The following DDC variants were observed in gnomAD, a reference collection of about 807,000 sequenced individuals.
The protein encoded by DDC is aromatic-L-amino-acid decarboxylase.
In DDC, 43 loss-of-function variants were observed where a neutral mutation model predicts 60.0. That is an observed-to-expected ratio of 0.72 (90% confidence interval 0.56 to 0.92). The LOEUF (loss-of-function observed/expected upper bound fraction) is 0.92, where lower values mean the gene tolerates loss of function less well. Among genes scored for constraint, DDC ranks in the 40% least tolerant of loss-of-function variants. DDC has a pLI of 0.00. For synonymous variants in DDC, 232 were observed against 234.6 expected (o/e 0.99, Z 0.10); for missense variants, 573 against 620.2 (o/e 0.92, Z 0.81).
chr7:50,514,511 A>C (rs553487229), intron 6 of DDC, among the ~76,000 whole-genome samples: 10 of 152,220 alleles, frequency 6.6e-5, no homozygotes, highest in Non-Finnish European at 1.5e-4. Flanking sequence ...AATAATTCAG[A>C]AGGTTAGTTA....
chr7:50,553,737 G>A (rs10229369), intron 1 of DDC, among the ~76,000 whole-genome samples: 48,930 of 151,614 alleles, frequency 0.32, 8,557 homozygotes, highest in East Asian at 0.48. Context: ...TGCCTGCCTT[G>A]GCCTCCCAAA....
At chr7:50,502,631 C>A (rs1005118753) in intron 7 of DDC, among the ~76,000 whole-genome samples, 2 of 152,200 alleles carry the variant, frequency 1.3e-5, no homozygotes, top group African/African-American at 4.8e-5. Context: ...CACTTCCCGC[C>A]AGTTGTTCTT....
intron 1 of DDC, among the ~76,000 whole-genome samples, chr7:50,557,474 C>T (rs192034620): frequency 1.1e-4 from 17 of 152,292 alleles, no homozygotes; most frequent in Admixed American, 2.0e-4. Context: ...TAGTCCTGAC[C>T]GTAGACAATT....
chr7:50,524,170 G>A (rs1354063706), intron 6 of DDC, among the ~76,000 whole-genome samples: 1 of 152,164 alleles, frequency 6.6e-6, no homozygotes, highest in Non-Finnish European at 1.5e-5. Flanking sequence ...GAGGGAGAGA[G>A]GGATAAACAG....
At chr7:50,551,229 CTTTTT>C (rs58446864) in intron 1 of DDC, among the ~76,000 whole-genome samples, 5 of 133,008 alleles carry the variant, frequency 3.8e-5, no homozygotes, top group Admixed American at 7.8e-5. Flanking sequence ...TTCCGTTGTA[CTTTTT>C]TTTTTTTTTT....
Position 50,539,939 on chromosome 7 carries a change from G to C in DDC, c.291C>G (p.Ala97=), listed in dbSNP as rs1407486199. The part of the protein sequence containing the change: ...PAMLADMLCG[A]IGCIGFSWAA... ...CCCAGGAGAAGCCGATGCAGCCAAT[G>C]GCCCCGCACAGCATGTCCGCAAGCA... Residue 97 remains alanine (A), a synonymous_variant, in exon 3 of 15, where the codon GCC becomes GCG. Coordinates refer to ENST00000444124, the MANE Select transcript of DDC (RefSeq NM_001082971.2). The C allele has an allele frequency of 6.2e-7, 1 of 1,613,986 alleles. No individual in the cohort carries two copies. The highest frequency in any genetic ancestry group is 8.5e-7 in the Non-Finnish European group (1 of 1,179,948).
chr7:50,465,185 G>T (rs986894223), intron 13 of DDC, among the ~76,000 whole-genome samples: 1 of 152,164 alleles, frequency 6.6e-6, no homozygotes, highest in Admixed American at 6.6e-5. Context: ...GCAATATGTT[G>T]TATGTTTTCA....
chr7:50,501,957 C>A (rs1216035427), intron 7 of DDC, among the ~76,000 whole-genome samples: 3 of 152,074 alleles, frequency 2.0e-5, no homozygotes, highest in Non-Finnish European at 2.9e-5. Context: ...GCCTGTGATC[C>A]CAGCTACTCA....
chr7:50,489,698 G>C (rs2042959692), intron 9 of DDC, among the ~76,000 whole-genome samples: 1 of 152,166 alleles, frequency 6.6e-6, no homozygotes, highest in Admixed American at 6.5e-5. Flanking sequence ...TGGACACATA[G>C]ATTGGAAGAG....
intron 4 of DDC, among the ~76,000 whole-genome samples, chr7:50,533,908 G>A (rs1304199268): frequency 6.6e-6 from 1 of 152,192 alleles, no homozygotes; most frequent in Admixed American, 6.5e-5. Flanking sequence ...GGCCGATGGA[G>A]GAAATGAGTG....
chr7:50,508,471 T>C (rs535865629), intron 6 of DDC, among the ~76,000 whole-genome samples: 11 of 152,340 alleles, frequency 7.2e-5, no homozygotes, highest in African/African-American at 2.6e-4. Context: ...CTCACGTAAG[T>C]GCCTCGCAGG....
intron 5 of DDC, 103 bp downstream of exon 5, chr7:50,529,105 G>A (rs1384129572): frequency 2.0e-6 from 3 of 1,493,214 alleles, no homozygotes; most frequent in Non-Finnish European, 2.8e-6. Context: ...CTGAGGAACT[G>A]TTCTTAGATT....
At chr7:50,516,377 G>GAAC (rs1344444076) in intron 6 of DDC, among the ~76,000 whole-genome samples, 6 of 151,998 alleles carry the variant, frequency 3.9e-5, no homozygotes, top group Admixed American at 3.9e-4. Flanking sequence ...TCTTCAAACA[G>GAAC]AACAACAGTA....
In DDC at chr7:50,461,047, A is replaced by T. The variant is rs943913988; in HGVS notation, c.*18+2166T>A. Among the ~76,000 whole-genome samples, 43 of 146,480 alleles carry T rather than the reference A, an allele frequency of 2.9e-4. 1 individual carries two copies. The highest frequency in any genetic ancestry group is 1.1e-3 in the South Asian group (5 of 4,714). Reference sequence around the variant, plus strand: ...TGAGAAACACCCAAGAATGATCAATAAAAAAAAAAATAAATAAATAAATAA... The same window carrying T: ...TGAGAAACACCCAAGAATGATCAATTAAAAAAAAAATAAATAAATAAATAA... On this transcript the variant is annotated intron_variant, in intron 14 of 14. Transcript: ENST00000444124.
At chr7:50,513,864 C>T (rs1286986455) in intron 6 of DDC, among the ~76,000 whole-genome samples, 2 of 152,090 alleles carry the variant, frequency 1.3e-5, no homozygotes, top group Non-Finnish European at 2.9e-5. Flanking sequence ...AGCCCCACCC[C>T]CGCCTGGTGG....
At chr7:50,501,099 G>A (rs925454689) in intron 7 of DDC, among the ~76,000 whole-genome samples, 2 of 152,186 alleles carry the variant, frequency 1.3e-5, no homozygotes, top group African/African-American at 2.4e-5. Flanking sequence ...ACCTAGCCCT[G>A]AGGCAAGGCT....
intron 9 of DDC, among the ~76,000 whole-genome samples, chr7:50,488,058 T>C (rs2042922518): frequency 6.6e-6 from 1 of 152,128 alleles, no homozygotes; most frequent in South Asian, 2.1e-4. Flanking sequence ...GTTTTTTACA[T>C]AGGTAAACAC....
chr7:50,499,311 G>T (rs140286060), intron 7 of DDC, 69 bp from the exon 8 acceptor site: 1 of 1,084,552 alleles, frequency 9.2e-7, no homozygotes, highest in Non-Finnish European at 1.4e-6. Flanking sequence ...AGCTGACCTC[G>T]CCCTGTCTGA....
At chr7:50,526,916 T>C (rs1441723770) in intron 6 of DDC, among the ~76,000 whole-genome samples, 1 of 152,196 alleles carries the variant, frequency 6.6e-6, no homozygotes, top group Admixed American at 6.5e-5. Flanking sequence ...CAGGGAGATA[T>C]GACAATTCTA....
Sources: gnomAD v4.1 joint callset for allele counts (sites outside exome capture counted in the v4.1 genomes callset) on GRCh38, gnomAD v4.1.1 for gene constraint, MANE v1.5 for transcripts, NCBI Gene and HGNC (gene_info 2026-07-23, HGNC 2026-07-21) for gene names.